Variants in ELFN2 observed in about 807,000 individuals in gnomAD.
ELFN2 encodes protein phosphatase 1 regulatory subunit 29.
Under a neutral mutation model 45.5 loss-of-function variants are expected in ELFN2, and 17 were observed. The observed-to-expected ratio is 0.37, with a 90% CI of 0.26 to 0.56. The LOEUF (loss-of-function observed/expected upper bound fraction) is 0.56, where lower values mean the gene tolerates loss of function less well. ELFN2 is among the 20% of genes least tolerant of loss of function. ELFN2 has a pLI of 0.77. For synonymous variants in ELFN2, 550 were observed against 551.5 expected (o/e 1.00, Z 0.04); for missense variants, 922 against 1,183.2 (o/e 0.78, Z 3.24).
intron 2 of ELFN2, among the ~76,000 whole-genome samples, chr22:37,406,883 A>G (rs1039792446): frequency 1.3e-5 from 2 of 152,208 alleles, no homozygotes; most frequent in African/African-American, 4.8e-5. Flanking sequence ...GACAGAGTCC[A>G]CTGGGCAAAG....
rs1159476533 is a variant in ELFN2 at position 37,381,955 on chromosome 22, C to CAA, written c.-462-5961_-462-5960dup. 4.2e-3 allele frequency among the ~76,000 whole-genome samples: 247 copies of CAA among 59,234 alleles called. 57 individuals carry two copies. Among genetic ancestry groups the CAA allele is most frequent in the South Asian group, 8.1e-3 (8 of 984 alleles). 38.9% of individuals were successfully genotyped at this position (59,234 alleles called of 152,430 possible). On this transcript the variant is annotated intron_variant, in intron 2 of 2. Transcript: ENST00000402918. The stretch of plus-strand genomic sequence containing the variant: ...TGGGCGACAGAGTGAGACTCCGTCT[C>CAA]AAAAAAAAAAAAAAAAAAAAAAAAA...
chr22:37,422,748 G>A (rs866718848), intron 1 of ELFN2, among the ~76,000 whole-genome samples: 1 of 151,724 alleles, frequency 6.6e-6, no homozygotes, highest in Non-Finnish European at 1.5e-5. Context: ...CATGCACCAC[G>A]ATGCCCGAAT....
intron 1 of ELFN2, among the ~76,000 whole-genome samples, chr22:37,346,494 C>T (rs1487586854): frequency 6.6e-6 from 1 of 152,112 alleles, no homozygotes; most frequent in Non-Finnish European, 1.5e-5. Flanking sequence ...TCCTTGAAAC[C>T]GCTTCTGCAA....
At position 37,417,249 on chromosome 22, in the gene ELFN2, T is replaced by C. The variant is rs1468872474; in HGVS notation, c.-463+520A>G. 1.3e-5 allele frequency among the ~76,000 whole-genome samples: 2 copies of C among 152,162 alleles called. No homozygotes were observed. The highest frequency in any genetic ancestry group is 2.9e-5 in the Non-Finnish European group (2 of 68,020). ...GACGGCTCTCCCTGTGCCTCCAAAA[T>C]TCAATGACATAGGATCAGGCCCCAT... On this transcript the variant is annotated intron_variant, in intron 2 of 2. Transcript: ENST00000402918. The surrounding 1 kb of genome is among the most constrained non-coding windows in gnomAD (Gnocchi z 4.5).
intron 1 of ELFN2, among the ~76,000 whole-genome samples, chr22:37,347,220 C>G (rs1930719048): frequency 6.6e-6 from 1 of 152,094 alleles, no homozygotes; most frequent in Non-Finnish European, 1.5e-5. Context: ...CTCAGGTGAT[C>G]CGCCCGCCTC....
At chr22:37,362,243 G>A (rs763548037) in intron 1 of ELFN2, among the ~76,000 whole-genome samples, 23 of 152,200 alleles carry the variant, frequency 1.5e-4, no homozygotes, top group Non-Finnish European at 2.8e-4. Context: ...ATGCCCTGTG[G>A]CAGGGACCCC....
intron 1 of ELFN2, among the ~76,000 whole-genome samples, chr22:37,343,588 C>T (rs1406551445): frequency 1.3e-5 from 2 of 152,092 alleles, no homozygotes; most frequent in Admixed American, 6.6e-5. Context: ...TGTCTTGCTC[C>T]CTCCTCAGTG....
Position 37,375,593 on chromosome 22 carries a change from C to T in ELFN2, c.-59G>A, listed in dbSNP as rs1931556562. ...GCAGGGGGTGCCTAGCGGCCAGAGG[C>T]TGGGGCTGGCAGTACAGTCCTCCCT... is the stretch of plus-strand genomic sequence containing the variant. On this transcript the variant is annotated 5_prime_UTR_variant, in exon 3 of 3. Transcript: ENST00000402918. 30 of 1,477,868 alleles carry T rather than the reference C, an allele frequency of 2.0e-5. No homozygotes were observed. The highest frequency in any genetic ancestry group is 2.7e-5 in the Non-Finnish European group (30 of 1,113,792). The allele number at this position is 1,477,868 out of a possible 1,614,324, so 91.5% of individuals were successfully genotyped here. A position where few individuals can be genotyped will look rare whatever the true frequency, so the allele number is the denominator to read the frequency against.
intron 1 of ELFN2, among the ~76,000 whole-genome samples, chr22:37,348,673 A>C (rs989771632): frequency 6.6e-6 from 1 of 150,508 alleles, no homozygotes; most frequent in South Asian, 2.1e-4. Flanking sequence ...CAGGAAGGAC[A>C]CTCAGGGGCT....
chr22:37,402,765 G>C (rs748894371), intron 2 of ELFN2, among the ~76,000 whole-genome samples: 4 of 152,328 alleles, frequency 2.6e-5, no homozygotes, highest in East Asian at 1.9e-4. Context: ...TCAGCCTCCA[G>C]GGGCTCGGTG....
chr22:37,404,073 C>A lies in ELFN2; in HGVS notation c.-463+13696G>T, dbSNP rs149996363. Among the ~76,000 whole-genome samples the A allele has an allele frequency of 1.2e-3, 183 of 152,334 alleles. 1 individual carries two copies. The highest frequency in any genetic ancestry group is 4.1e-3 in the African/African-American group (170 of 41,576). On this transcript the variant is annotated intron_variant, in intron 2 of 2. Coordinates refer to ENST00000402918, the MANE Select transcript of ELFN2 (RefSeq NM_052906.5). The stretch of plus-strand genomic sequence containing the variant: ...CCCAGAAGGTGGCACTTTTGAGGAA[C>A]TGGAACAAGGTCAGGAGAACTGAGA...
chr22:37,412,985 G>A (rs1932687101), intron 2 of ELFN2, among the ~76,000 whole-genome samples: 1 of 152,168 alleles, frequency 6.6e-6, no homozygotes. Flanking sequence ...TCTGAGCATA[G>A]GTCCAAATCC....
intron 1 of ELFN2, among the ~76,000 whole-genome samples, chr22:37,346,344 G>A (rs1308870991): frequency 1.3e-5 from 2 of 151,866 alleles, no homozygotes; most frequent in Non-Finnish European, 2.9e-5. Context: ...AGGTTCCCCC[G>A]CCCCAGAGTC....
In ELFN2 at chr22:37,372,997, C is replaced by T; in HGVS notation, c.*75G>A. On this transcript the variant is annotated 3_prime_UTR_variant, in exon 3 of 3. Transcript: ENST00000402918. This position sits in a 1 kb window ranked among gnomAD's most constrained non-coding sequence, Gnocchi z 4.4. ...CTTGGCCCCCGAGTCTGCTCCCCGC[C>T]CTGGCCGCCTGGACCCTTCCCCCAA... The T allele has an allele frequency of 6.7e-7, 1 of 1,497,782 alleles. No homozygotes were observed. The allele number at this position is 1,497,782 out of a possible 1,614,324, so 92.8% of individuals were successfully genotyped here.
intron 2 of ELFN2, among the ~76,000 whole-genome samples, chr22:37,402,191 A>G (rs1031391172): frequency 1.3e-4 from 20 of 152,212 alleles, no homozygotes; most frequent in African/African-American, 4.8e-4. Context: ...CACAGAGCAA[A>G]CCCTCAATAA....
At chr22:37,344,236 G>GCCCACCTGCCCACA (rs144411990) in intron 1 of ELFN2, among the ~76,000 whole-genome samples, 36,761 of 115,524 alleles carry the variant, frequency 0.32, 7,934 homozygotes, top group Middle Eastern at 0.39. Flanking sequence ...ACCTGCCCAT[G>GCCCACCTGCCCACA]CCCACCTGCC....
At chr22:37,407,910 G>T (rs114549111) in intron 2 of ELFN2, among the ~76,000 whole-genome samples, 1 of 151,590 alleles carries the variant, frequency 6.6e-6, no homozygotes, top group East Asian at 1.9e-4. Context: ...AAAAAAGAAA[G>T]CGAGAAAAGG....
At chr22:37,401,422 TC>T (rs61150749) in intron 2 of ELFN2, among the ~76,000 whole-genome samples, 46,166 of 152,102 alleles carry the variant, frequency 0.3, 7,330 homozygotes, top group Non-Finnish European at 0.35. Flanking sequence ...CTGCACATTC[TC>T]AGGTCCCTGA....
At position 37,377,485 on chromosome 22, in the gene ELFN2, TA is replaced by T. The variant is rs1020610708; in HGVS notation, c.-462-1490del. On this transcript the variant is annotated intron_variant, in intron 2 of 2. Transcript: ENST00000402918. ...AAAGTCCAGGAAAGAGAAGAGTGCTTAAAAAAAAATTTAAACCTTTGCCATT... is the reference window on the plus strand; with the variant it reads ...AAAGTCCAGGAAAGAGAAGAGTGCTTAAAAAAAATTTAAACCTTTGCCATT... Among the ~76,000 whole-genome samples the T allele has an allele frequency of 9.9e-5, 15 of 151,990 alleles. No individual in the cohort carries two copies. In the South Asian group the frequency reaches 1.5e-3, roughly 15 times the overall value.
Sources: allele counts gnomAD v4.1 joint callset (sites outside exome capture counted in the v4.1 genomes callset), GRCh38; gene constraint gnomAD v4.1.1; non-coding constraint Gnocchi (gnomAD v3.1); transcripts MANE v1.5; gene names NCBI Gene and HGNC (gene_info 2026-07-23, HGNC 2026-07-21).